Variants in BCR observed in about 807,000 individuals in gnomAD.
BCR encodes the protein breakpoint cluster region protein.
A neutral mutation model predicts 138.6 loss-of-function variants in BCR; 58 were observed. The ratio of observed to expected loss-of-function variants is 0.42; its 90% CI spans 0.34 to 0.52. BCR has a LOEUF of 0.52. BCR is among the 20% of genes least tolerant of loss of function. The pLI, the probability that BCR is intolerant of heterozygous loss-of-function variation, is 0.06. For synonymous variants in BCR, 786 were observed against 730.1 expected, an observed-to-expected ratio of 1.08 and a Z score of -1.23; for missense variants, 1,599 against 1,727.2, an observed-to-expected ratio of 0.93 and a Z score of 1.32.
At chr22:23,227,757 T>C (rs1465123462) in intron 1 of BCR, among the ~76,000 whole-genome samples, 2 of 152,246 alleles carry the variant, frequency 1.3e-5, no homozygotes. Flanking sequence ...CATGAGTTAT[T>C]GGAGATTCAG....
rs1244864570 is a variant in BCR, at chr22:23,181,950, G to A, written c.990G>A (p.Pro330=). ...AGGATTGCGGAGGCGGCTATACCCC[G>A]GACTGCAGCTCCAATGAGAACCTCA... ...SFEDCGGGYT[P]DCSSNENLTS... The change falls in exon 1 of 23, where the codon CCG becomes CCA. Residue 330 remains proline (P), a synonymous_variant. Coordinates refer to ENST00000305877, the MANE Select transcript of BCR (RefSeq NM_004327.4). The A allele has an allele frequency of 1.2e-6, 2 of 1,612,776 alleles. No homozygotes were observed. The highest frequency in any genetic ancestry group is 1.3e-5 in the African/African-American group (1 of 74,932).
At chr22:23,248,340 C>A (rs2073178541) in intron 1 of BCR, among the ~76,000 whole-genome samples, 1 of 148,850 alleles carries the variant, frequency 6.7e-6, no homozygotes, top group African/African-American at 2.5e-5. Flanking sequence ...CAGAGTGAGA[C>A]TCCATCTCAA....
chr22:23,199,122 C>CAAAAA, intron 1 of BCR: 1 of 246,820 alleles, frequency 4.1e-6, no homozygotes, highest in Non-Finnish European at 8.1e-6. Flanking sequence ...AACTCCGTCT[C>CAAAAA]AAAAAAAAAA....
chr22:23,236,258 CTG>C (rs1442994874), intron 1 of BCR, among the ~76,000 whole-genome samples: 1 of 152,196 alleles, frequency 6.6e-6, no homozygotes, highest in Non-Finnish European at 1.5e-5. Context: ...TCAGGTGACT[CTG>C]AGCATCTCAT....
chr22:23,259,746 C>T (rs1230356960), intron 2 of BCR, among the ~76,000 whole-genome samples: 1 of 152,102 alleles, frequency 6.6e-6, no homozygotes, highest in Non-Finnish European at 1.5e-5. Context: ...ATCTCGAACT[C>T]CTGGCCTCAG....
At chr22:23,266,555 A>G (rs1010981227) in intron 4 of BCR, among the ~76,000 whole-genome samples, 2 of 150,404 alleles carry the variant, frequency 1.3e-5, no homozygotes, top group Admixed American at 6.6e-5. Flanking sequence ...ACGCCCGTCT[A>G]ATTTTTGTAT....
rs751163489 is a variant in BCR, at chr22:23,232,937, GCA to G, written c.1280-20855_1280-20854del. Among the ~76,000 whole-genome samples the G allele has an allele frequency of 1.2e-4, 18 of 152,322 alleles. No homozygotes were observed. In the East Asian group the frequency reaches 1.5e-3, roughly 13 times the overall value. On this transcript the variant is annotated intron_variant, in intron 1 of 22. Coordinates refer to ENST00000305877, the MANE Select transcript of BCR (RefSeq NM_004327.4). ...AAATGCAAATGCCACATCTGTGTGT[GCA>G]CACACATAGGCTGAGACATTTTTCT...
At chr22:23,259,067 A>G (rs761441644) in intron 2 of BCR, among the ~76,000 whole-genome samples, 6 of 152,280 alleles carry the variant, frequency 3.9e-5, no homozygotes, top group Non-Finnish European at 8.8e-5. Flanking sequence ...CCAGCCTCCA[A>G]CATTGCCAGT....
chr22:23,262,087 ACGCCATCACACCCTGTGTG>A (rs66937157), intron 4 of BCR: 80,630 of 151,358 alleles, frequency 0.53, 22,053 homozygotes, highest in African/African-American at 0.67. Flanking sequence ...CTACAGGTGC[ACGCCATCACACCCTGTGTG>A]CGCCATCACA....
chr22:23,191,862 C>T (rs897101054), intron 1 of BCR, among the ~76,000 whole-genome samples: 20 of 152,170 alleles, frequency 1.3e-4, no homozygotes, highest in Non-Finnish European at 1.3e-4. Flanking sequence ...GGCGATGAAA[C>T]GTTGGCTTTG....
At chr22:23,301,759 A>G (rs910605219) in intron 16 of BCR, among the ~76,000 whole-genome samples, 1 of 150,052 alleles carries the variant, frequency 6.7e-6, no homozygotes, top group African/African-American at 2.5e-5. Context: ...GTTCTTGGGG[A>G]CCCCCCCGCC....
chr22:23,293,879 G>A (rs573365353), intron 15 of BCR, among the ~76,000 whole-genome samples: 11 of 141,258 alleles, frequency 7.8e-5, no homozygotes, highest in Admixed American at 4.5e-4. Flanking sequence ...CCATTTCCCC[G>A]CCAAGAAGCC....
chr22:23,213,311 T>C (rs912487817), intron 1 of BCR, among the ~76,000 whole-genome samples: 2 of 152,140 alleles, frequency 1.3e-5, no homozygotes, highest in Non-Finnish European at 2.9e-5. Context: ...TGACTTGTGC[T>C]CCTGAGTCCT....
rs1033417560 is a variant in BCR, at chr22:23,263,842, T to C, written c.1752+2302T>C. The C allele has an allele frequency of 4.7e-6, 5 of 1,072,280 alleles. No homozygotes were observed. The South Asian group carries it at 5.0e-5, about 11-fold the overall frequency. The allele number at this position is 1,072,280 out of a possible 1,614,324, so 66.4% of individuals were successfully genotyped here. A position where few individuals can be genotyped will look rare whatever the true frequency, so the allele number is the denominator to read the frequency against. On this transcript the variant is annotated intron_variant, in intron 4 of 22. Transcript: ENST00000305877. ...CAGCTGGGGTAGTGTTTATACACCA[T>C]CCAGACTGAAGACCAAATCTGGTCT...
intron 1 of BCR, among the ~76,000 whole-genome samples, chr22:23,196,846 A>C (rs1044976411): frequency 1.3e-5 from 2 of 151,888 alleles, no homozygotes; most frequent in African/African-American, 2.4e-5. Flanking sequence ...ATGAAGCGTC[A>C]CTCTCCGCCT....
At chr22:23,227,826 G>A (rs1230950830) in intron 1 of BCR, among the ~76,000 whole-genome samples, 1 of 152,196 alleles carries the variant, frequency 6.6e-6, no homozygotes, top group African/African-American at 2.4e-5. Context: ...ATGTTGTGAG[G>A]TCCTTGTGCC....
intron 1 of BCR, among the ~76,000 whole-genome samples, chr22:23,218,265 C>A (rs2146227861): frequency 6.6e-6 from 1 of 152,298 alleles, no homozygotes; most frequent in Admixed American, 6.5e-5. Flanking sequence ...GCATCTGGGG[C>A]ATGTGAGGAT....
At chr22:23,239,050 G>A (rs1297104764) in intron 1 of BCR, among the ~76,000 whole-genome samples, 1 of 152,178 alleles carries the variant, frequency 6.6e-6, no homozygotes, top group Non-Finnish European at 1.5e-5. Flanking sequence ...TCTGTCTCCA[G>A]CGTTGGGCTC....
chr22:23,277,640 A>G (rs1419706402), intron 8 of BCR, among the ~76,000 whole-genome samples: 2 of 152,114 alleles, frequency 1.3e-5, no homozygotes, highest in African/African-American at 4.8e-5. Flanking sequence ...TGCAGTCACT[A>G]CTGGGCCTCC....
Sources: gnomAD v4.1 joint callset for allele counts (sites outside exome capture counted in the v4.1 genomes callset) on GRCh38, gnomAD v4.1.1 for gene constraint, MANE v1.5 for transcripts, NCBI Gene and HGNC (gene_info 2026-07-23, HGNC 2026-07-21) for gene names.